The following WASHC3 variants were observed in gnomAD, a reference collection of about 807,000 sequenced individuals.
The protein encoded by WASHC3 is WASH complex subunit 3.
Under a neutral mutation model 26.1 loss-of-function variants are expected in WASHC3, and 24 were observed. That is an observed-to-expected ratio of 0.92 (90% CI 0.66 to 1.29). WASHC3 has a LOEUF of 1.29. WASHC3 is among the 50% of genes most tolerant of loss of function. The pLI, the probability that WASHC3 is intolerant of heterozygous loss-of-function variation, is 0.00. For synonymous variants in WASHC3, 77 were observed against 75.7 expected, an observed-to-expected ratio of 1.02 and a Z score of -0.09; for missense variants, 214 against 229.6, an observed-to-expected ratio of 0.93 and a Z score of 0.44.
At chr12:102,048,770 A>AT (rs1439472851) in intron 2 of WASHC3, among the ~76,000 whole-genome samples, 1 of 152,148 alleles carries the variant, frequency 6.6e-6, no homozygotes, top group African/African-American at 2.4e-5. Flanking sequence ...ATAGTTTTAA[A>AT]TTTTTTTAAG....
At chr12:102,033,402 TAGG>T (rs766374512) in intron 5 of WASHC3, among the ~76,000 whole-genome samples, 3 of 152,030 alleles carry the variant, frequency 2.0e-5, no homozygotes, top group Non-Finnish European at 4.4e-5. Context: ...ATTAAAATAG[TAGG>T]AGAAATGATT....
intron 2 of WASHC3, among the ~76,000 whole-genome samples, chr12:102,052,595 G>A (rs571035776): frequency 1.2e-3 from 175 of 149,260 alleles, no homozygotes; most frequent in Non-Finnish European, 2.0e-3. Flanking sequence ...CCCAGCACAG[G>A]GCTAGCCTCC....
chr12:102,043,923 C>A (rs1444263706), intron 4 of WASHC3, 182 bp downstream of exon 4: 1 of 372,856 alleles, frequency 2.7e-6, no homozygotes, highest in African/African-American at 2.1e-5. Flanking sequence ...AAAGTATTAA[C>A]TTCAGGAAGC....
At chr12:102,054,659 G>C (rs1878521869) in intron 2 of WASHC3, among the ~76,000 whole-genome samples, 1 of 152,128 alleles carries the variant, frequency 6.6e-6, no homozygotes, top group African/African-American at 2.4e-5. Context: ...TATATGATAT[G>C]CCACAAAACA....
intron 6 of WASHC3, among the ~76,000 whole-genome samples, chr12:102,021,757 T>C (rs1876969046): frequency 1.3e-5 from 2 of 152,300 alleles, no homozygotes; most frequent in African/African-American, 2.4e-5. Flanking sequence ...TATGTTGTTG[T>C]ATAGCAGGAG....
At chr12:102,017,502 G>A (rs1876757750) in intron 6 of WASHC3, among the ~76,000 whole-genome samples, 1 of 152,224 alleles carries the variant, frequency 6.6e-6, no homozygotes, top group Admixed American at 6.5e-5. Flanking sequence ...GGAAATAAAA[G>A]AGAATGACAG....
intron 4 of WASHC3, among the ~76,000 whole-genome samples, chr12:102,042,743 A>G (rs141772200): frequency 7.3e-4 from 111 of 152,302 alleles, no homozygotes; most frequent in African/African-American, 2.6e-3. Context: ...ATCGTGATCT[A>G]AAAAATATCC....
At chr12:102,021,787 AT>A (rs1876970308) in intron 6 of WASHC3, among the ~76,000 whole-genome samples, 2 of 152,216 alleles carry the variant, frequency 1.3e-5, no homozygotes, top group Non-Finnish European at 2.9e-5. Context: ...CTCCTGGCAG[AT>A]AAGGAATGAT....
intron 2 of WASHC3, among the ~76,000 whole-genome samples, chr12:102,052,350 G>A (rs1450628379): frequency 6.6e-6 from 1 of 152,162 alleles, no homozygotes; most frequent in Non-Finnish European, 1.5e-5. Context: ...TCAGTGCTGA[G>A]CAAGCCCCCT....
At chr12:102,026,267 AGC>A (rs1877183370) in intron 5 of WASHC3, among the ~76,000 whole-genome samples, 1 of 152,170 alleles carries the variant, frequency 6.6e-6, no homozygotes, top group Non-Finnish European at 1.5e-5. Flanking sequence ...ACATCATTTG[AGC>A]TTATTCATTA....
intron 6 of WASHC3, among the ~76,000 whole-genome samples, chr12:102,021,707 A>T (rs1369867010): frequency 6.6e-6 from 1 of 152,334 alleles, no homozygotes; most frequent in East Asian, 1.9e-4. Context: ...ACTGAGATCT[A>T]ATCTATCCTC....
At chr12:102,046,339 A>G (rs1007083326) in intron 2 of WASHC3, among the ~76,000 whole-genome samples, 4 of 151,526 alleles carry the variant, frequency 2.6e-5, no homozygotes, top group African/African-American at 9.7e-5. Flanking sequence ...CTCTGTCGCC[A>G]GGCTGGAGCG....
chr12:102,049,572 G>A (rs993874822), intron 2 of WASHC3, among the ~76,000 whole-genome samples: 1 of 151,978 alleles, frequency 6.6e-6, no homozygotes, highest in Non-Finnish European at 1.5e-5. Context: ...AAAAAAAAAG[G>A]ACAAAAGAAA....
intron 2 of WASHC3, among the ~76,000 whole-genome samples, chr12:102,056,786 A>G (rs1466887930): frequency 6.6e-6 from 1 of 152,184 alleles, no homozygotes; most frequent in Non-Finnish European, 1.5e-5. Context: ...GTCTCCCACT[A>G]AACAAAACCC....
chr12:102,051,533 A>C (rs994908341), intron 2 of WASHC3, among the ~76,000 whole-genome samples: 12 of 152,244 alleles, frequency 7.9e-5, no homozygotes, highest in African/African-American at 2.4e-4. Flanking sequence ...AGCTATAAGA[A>C]GGTACTTGTA....
At chr12:102,061,218 G>C (rs761037670) in intron 2 of WASHC3, 30 bp downstream of exon 2, 1 of 1,431,012 alleles carries the variant, frequency 7.0e-7, no homozygotes. Flanking sequence ...ATTTCCAGGC[G>C]ACTCTATAAA....
At chr12:102,038,223 A>C (rs966376010) in intron 5 of WASHC3, among the ~76,000 whole-genome samples, 1 of 152,246 alleles carries the variant, frequency 6.6e-6, no homozygotes, top group African/African-American at 2.4e-5. Flanking sequence ...TCTAGATAAT[A>C]CCTAATACAG....
chr12:102,040,191 A>G (rs1877884020), intron 4 of WASHC3: 3 of 288,950 alleles, frequency 1.0e-5, no homozygotes, highest in Non-Finnish European at 6.4e-6. Context: ...ACATTTCAAC[A>G]CTATATTGGT....
chr12:102,055,378 C>T (rs1878552360), intron 2 of WASHC3, among the ~76,000 whole-genome samples: 1 of 152,156 alleles, frequency 6.6e-6, no homozygotes, highest in Non-Finnish European at 1.5e-5. Flanking sequence ...TGGAGTCTTG[C>T]TCTGTCACCC....
Sources: gnomAD v4.1 joint callset for allele counts (sites outside exome capture counted in the v4.1 genomes callset) on GRCh38, gnomAD v4.1.1 for gene constraint, MANE v1.5 for transcripts, NCBI Gene and HGNC (gene_info 2026-07-23, HGNC 2026-07-21) for gene names.